The following SYTL5 variants were observed in gnomAD, a reference collection of about 807,000 sequenced individuals.
SYTL5 encodes synaptotagmin like 5.
A neutral mutation model predicts 55.9 loss-of-function variants in SYTL5; 34 were observed. That is an observed-to-expected ratio of 0.61 (90% CI 0.46 to 0.81). The LOEUF (loss-of-function observed/expected upper bound fraction) is 0.81. Among genes scored for constraint, SYTL5 ranks in the 30% least tolerant of loss-of-function variants. The probability of loss-of-function intolerance (pLI) is 0.00; values close to 1 mark genes in which losing one functional copy is unlikely to be tolerated. For synonymous variants in SYTL5, 221 were observed against 188.7 expected (o/e 1.17, Z -1.40); for missense variants, 637 against 546.7 (o/e 1.17, Z -1.65).
the SYTL5 span, among the ~76,000 whole-genome samples, chrX:37,936,872 T>C: frequency 9.9e-6 from 1 of 100,912 alleles, no homozygotes; most frequent in Non-Finnish European, 2.0e-5. Context: ...AGAAACCCTG[T>C]CTCTCTTAAA....
intron 7 of SYTL5, among the ~76,000 whole-genome samples, chrX:38,090,973 ATCCAAAGAGG>A (rs1936787515): frequency 8.9e-6 from 1 of 112,562 alleles, no homozygotes; most frequent in Non-Finnish European, 1.9e-5. Context: ...TAGGAAATGA[ATCCAAAGAGG>A]TCATAGGGCT....
intron 3 of SYTL5, among the ~76,000 whole-genome samples, chrX:38,062,397 A>T (rs1288509859): frequency 8.9e-6 from 1 of 112,355 alleles, no homozygotes; most frequent in Non-Finnish European, 1.9e-5. Flanking sequence ...GATCCTGATG[A>T]TATTTTTATT....
intron 8 of SYTL5, among the ~76,000 whole-genome samples, chrX:38,095,036 T>A (rs1019252257): frequency 8.9e-6 from 1 of 111,942 alleles, no homozygotes; most frequent in Admixed American, 9.5e-5. Flanking sequence ...TTGAAGCTTA[T>A]GTCCCATACA....
chrX:38,128,009 A>T lies in SYTL5; in HGVS notation c.*1279A>T, dbSNP rs1020049271. Reference sequence around the variant, plus strand: ...AGGCAGGGAAATATGCACTGCCCACAGTGAAGCCATGACAAGAGTGAGGAT... The same window carrying T: ...AGGCAGGGAAATATGCACTGCCCACTGTGAAGCCATGACAAGAGTGAGGAT... On this transcript the variant is annotated 3_prime_UTR_variant, in exon 17 of 17. Transcript: ENST00000297875. The T allele has an allele frequency of 1.8e-5, 2 of 112,371 alleles. No homozygotes were observed. The highest frequency in any genetic ancestry group is 3.2e-5 in the African/African-American group (1 of 30,870). 9.3% of individuals were successfully genotyped at this position (112,371 alleles called of 1,213,427 possible). A position where few individuals can be genotyped will look rare whatever the true frequency, so the allele number is the denominator to read the frequency against.
At chrX:37,977,726 AC>A in the SYTL5 span, among the ~76,000 whole-genome samples, 22 of 108,299 alleles carry the variant, frequency 2.0e-4, no homozygotes, top group Non-Finnish European at 3.4e-4. Flanking sequence ...ACACACACAC[AC>A]ACACACACAC....
At chrX:37,903,461 A>G in the SYTL5 span, among the ~76,000 whole-genome samples, 1 of 106,163 alleles carries the variant, frequency 9.4e-6, no homozygotes, top group Admixed American at 1.0e-4. Flanking sequence ...CAAAAAACCA[A>G]ACACTGCATG....
chrX:38,084,410 G>C (rs1936619697), intron 6 of SYTL5, among the ~76,000 whole-genome samples: 1 of 112,285 alleles, frequency 8.9e-6, no homozygotes, highest in South Asian at 3.7e-4. Flanking sequence ...GGGGTCATGG[G>C]AACCCCAAAT....
chrX:38,121,991 G>T (rs1471452934), intron 14 of SYTL5, 89 bp from the exon 15 acceptor site: 2 of 883,849 alleles, frequency 2.3e-6, no homozygotes, highest in Middle Eastern at 3.4e-4. Context: ...GTTTGTAGAT[G>T]ATCTTTGTAA....
chrX:37,893,778 G>GATTATATATAATCTATAGATAATCTATAT, the SYTL5 span, among the ~76,000 whole-genome samples: 342 of 74,325 alleles, frequency 4.6e-3, 80 homozygotes, highest in African/African-American at 0.024. Context: ...ATAAACTATA[G>GATTATATATAATCTATAGATAATCTATAT]ATTATATAGA....
intron 6 of SYTL5, among the ~76,000 whole-genome samples, chrX:38,083,893 C>T (rs1320288241): frequency 2.8e-5 from 3 of 106,169 alleles, no homozygotes; most frequent in African/African-American, 1.0e-4. Flanking sequence ...TTCCATAGTC[C>T]TTGTTATACT....
At chrX:37,893,885 A>T in the SYTL5 span, among the ~76,000 whole-genome samples, 1 of 98,012 alleles carries the variant, frequency 1.0e-5, no homozygotes. Flanking sequence ...TTTTAAACCT[A>T]TGTAACCACA....
intron 2 of SYTL5, among the ~76,000 whole-genome samples, chrX:38,037,298 C>T (rs1451592537): frequency 9.0e-6 from 1 of 111,677 alleles, no homozygotes; most frequent in Admixed American, 9.5e-5. Flanking sequence ...TAGCCCCTCT[C>T]CCTGCCTTCT....
At chrX:37,924,310 T>G in the SYTL5 span, among the ~76,000 whole-genome samples, 1 of 111,138 alleles carries the variant, frequency 9.0e-6, no homozygotes, top group African/African-American at 3.3e-5. Flanking sequence ...GGTTATTCAC[T>G]TATTTTCACT....
intron 9 of SYTL5, among the ~76,000 whole-genome samples, chrX:38,099,583 T>C (rs979113696): frequency 3.6e-5 from 4 of 111,214 alleles, no homozygotes; most frequent in African/African-American, 1.3e-4. Flanking sequence ...CTTTTACCTG[T>C]TTAATTGCTC....
intron 5 of SYTL5, among the ~76,000 whole-genome samples, chrX:38,075,170 A>G (rs1190160261): frequency 1.8e-5 from 2 of 111,581 alleles, no homozygotes; most frequent in African/African-American, 3.3e-5. Context: ...CTAACTCACC[A>G]TCACAATCAA....
upstream of SYTL5, among the ~76,000 whole-genome samples, chrX:38,004,830 G>A (rs1344773107): frequency 1.8e-5 from 2 of 110,978 alleles, no homozygotes; most frequent in Non-Finnish European, 3.8e-5. Flanking sequence ...TACAAAAATA[G>A]AAAGAATGAA....
the SYTL5 span, among the ~76,000 whole-genome samples, chrX:37,953,031 T>C: frequency 9.0e-6 from 1 of 111,353 alleles, no homozygotes; most frequent in African/African-American, 3.3e-5. Context: ...AAACATGTCT[T>C]GGGACTGATC....
Position 38,125,373 on chromosome X carries a change from G to T in SYTL5, c.1917G>T (p.Trp639Cys). The T allele has an allele frequency of 8.3e-7, 1 of 1,211,180 alleles. No homozygotes were observed. The highest frequency in any genetic ancestry group is 1.1e-6 in the Non-Finnish European group (1 of 894,887). The change falls in exon 16 of 17, where the codon TGG becomes TGT. Residue 639 changes from tryptophan to cysteine, a missense_variant. Trp to Cys is a radical substitution (Grantham distance 215). Transcript: ENST00000297875. Reference sequence around the variant, plus strand: ...TAAAAAAGAGTGTTAACCCTCAGTGGAATCATACATTCATGTTCAGTGGCA... The same window carrying T: ...TAAAAAAGAGTGTTAACCCTCAGTGTAATCATACATTCATGTTCAGTGGCA... ...LVIKKSVNPQWNHTFMFSGIH... is the reference protein window; with the variant it reads ...LVIKKSVNPQCNHTFMFSGIH...
chrX:37,920,953 C>T, the SYTL5 span, among the ~76,000 whole-genome samples: 28 of 111,357 alleles, frequency 2.5e-4, no homozygotes, highest in East Asian at 4.5e-3. Flanking sequence ...GTCACATGAT[C>T]CCTTTCTTAC....
Sources: gnomAD v4.1 joint callset for allele counts (sites outside exome capture counted in the v4.1 genomes callset) on GRCh38, gnomAD v4.1.1 for gene constraint, MANE v1.5 for transcripts, NCBI Gene and HGNC (gene_info 2026-07-23, HGNC 2026-07-21) for gene names.